Variants in MYOM2 observed in about 807,000 individuals in gnomAD.
The protein encoded by MYOM2 is myomesin 2.
In MYOM2, 254 loss-of-function variants were observed where a neutral mutation model predicts 187.6. The observed-to-expected ratio is 1.35, with a 90% CI of 1.22 to 1.50. The LOEUF (loss-of-function observed/expected upper bound fraction) is 1.50, where lower values mean the gene tolerates loss of function less well. Ranked by LOEUF, MYOM2 falls within the 40% of genes most tolerant of loss-of-function variation. The pLI is 0.00. For missense variants in MYOM2, 2,796 were observed against 1,924.0 expected (o/e 1.45, Z -8.48); for synonymous variants, 981 against 753.8 (o/e 1.30, Z -4.94).
At chr8:2,123,730 C>T in intron 30 of MYOM2, 88 bp downstream of exon 30, 1 of 1,117,376 alleles carries the variant, frequency 8.9e-7, no homozygotes, top group East Asian at 2.4e-5. Context: ...CTATGTCTAG[C>T]CTCAGCTATA....
intron 23 of MYOM2, 79 bp from the exon 24 acceptor site, chr8:2,108,707 C>T (rs754113194): frequency 1.5e-5 from 20 of 1,372,384 alleles, no homozygotes; most frequent in South Asian, 5.9e-5. Flanking sequence ...CAATCTTGCT[C>T]GTGTGTCGCC....
At chr8:2,120,176 CAG>C (rs1797377890) in intron 28 of MYOM2, among the ~76,000 whole-genome samples, 1 of 151,992 alleles carries the variant, frequency 6.6e-6, no homozygotes. Flanking sequence ...TAGTGTGAGT[CAG>C]GGGACAGACT....
rs548772825 is a variant in MYOM2, at chr8:2,116,711, A to G, written c.3385+436A>G. Among the ~76,000 whole-genome samples the G allele has an allele frequency of 3.3e-5, 5 of 152,336 alleles. No homozygotes were observed. In the South Asian group the frequency reaches 1.0e-3, roughly 32 times the overall value. ...ACATGTTAACTAGATACAAAGGAAA[A>G]TGGATACACTTTAGATTCTCAAACA... On this transcript the variant is annotated intron_variant, in intron 27 of 36. Coordinates refer to ENST00000262113, the MANE Select transcript of MYOM2 (RefSeq NM_003970.4).
chr8:2,077,666 A>T (rs1171780704), intron 11 of MYOM2, among the ~76,000 whole-genome samples: 1 of 152,136 alleles, frequency 6.6e-6, no homozygotes, highest in Admixed American at 6.5e-5. Flanking sequence ...ACAGCTGATA[A>T]GTTTTCCCGC....
intron 14 of MYOM2, among the ~76,000 whole-genome samples, chr8:2,088,731 G>A (rs551463712): frequency 3.3e-5 from 5 of 152,230 alleles, no homozygotes; most frequent in Non-Finnish European, 7.3e-5. Flanking sequence ...TAATACAAGT[G>A]CATGCATCTT....
chr8:2,117,067 A>G (rs1206990324), intron 27 of MYOM2, among the ~76,000 whole-genome samples: 2 of 152,260 alleles, frequency 1.3e-5, no homozygotes, highest in African/African-American at 4.8e-5. Context: ...CCAGCCTCAA[A>G]AAACATTTTT....
Position 2,130,227 on chromosome 8 carries a change from TATACCCA to T in MYOM2, c.3800+996_3800+1002del, listed in dbSNP as rs1160622372. 1.5e-5 allele frequency among the ~76,000 whole-genome samples: 2 copies of T among 136,778 alleles called. 1 individual carries two copies. The highest frequency in any genetic ancestry group is 6.1e-5 in the African/African-American group (2 of 32,592). 89.7% of individuals were successfully genotyped at this position (136,778 alleles called of 152,430 possible). On this transcript the variant is annotated intron_variant, in intron 32 of 36. Coordinates refer to ENST00000262113, the MANE Select transcript of MYOM2 (RefSeq NM_003970.4). The stretch of plus-strand genomic sequence containing the variant: ...CTTTAGTTAACGCCCGTCAGTACCG[TATACCCA>T]GGGCGCCCACACCCCGCCTTTAGTT...
chr8:2,106,485 T>C lies in MYOM2; in HGVS notation c.2892-6T>C, dbSNP rs1262531390. ...TCGACATTCACCTACTCTTCTTCCT[T>C]TTTAGCTCCAAGCTGTACTTAAAGA... is the stretch of plus-strand genomic sequence containing the variant. On this transcript the variant is annotated splice_region_variant and splice_polypyrimidine_tract_variant and intron_variant, in intron 22 of 36. Transcript: ENST00000262113. 1 of 1,611,014 alleles carries C rather than the reference T, an allele frequency of 6.2e-7. No homozygotes were observed. The highest frequency in any genetic ancestry group is 8.5e-7 in the Non-Finnish European group (1 of 1,177,474).
chr8:2,091,381 C>T (rs763172357), intron 15 of MYOM2, among the ~76,000 whole-genome samples: 1 of 152,040 alleles, frequency 6.6e-6, no homozygotes, highest in Non-Finnish European at 1.5e-5. Flanking sequence ...CTTGAAGGTC[C>T]CTCTTGGAAG....
chr8:2,064,157 G>C (rs13272717), intron 6 of MYOM2, among the ~76,000 whole-genome samples: 1 of 152,172 alleles, frequency 6.6e-6, no homozygotes, highest in Non-Finnish European at 1.5e-5. Flanking sequence ...CATCTGCTCC[G>C]TCGTCTGCCC....
chr8:2,050,718 C>T (rs372738192), intron 1 of MYOM2, 37 bp from the exon 2 acceptor site: 50 of 1,282,064 alleles, frequency 3.9e-5, no homozygotes, highest in African/African-American at 1.3e-4. Context: ...ATGATGCTTG[C>T]GAGGGAGCTC....
rs1298738169 is a variant in MYOM2 at position 2,092,550 on chromosome 8, A to C, written c.2003+30A>C. 1.9e-6 allele frequency: 3 copies of C among 1,609,244 alleles called. No individual in the cohort carries two copies. In the Admixed American group the frequency reaches 5.0e-5, roughly 27 times the overall value. On this transcript the variant is annotated intron_variant, in intron 16 of 36. Transcript: ENST00000262113. ...GGCCTCCCTCCCCAGCCCTGGAGTC[A>C]GCCTTGCAGGAGTAGCAAGACCGTT...
At chr8:2,117,770 T>C (rs1797296514) in intron 27 of MYOM2, 115 bp from the exon 28 acceptor site, 1 of 586,098 alleles carries the variant, frequency 1.7e-6, no homozygotes, top group Admixed American at 3.5e-5. Flanking sequence ...TACATTCTTA[T>C]GTATTATATA....
At position 2,098,894 on chromosome 8, in the gene MYOM2, A is replaced by C. The variant is rs1160999837; in HGVS notation, c.2351A>C (p.Lys784Thr). 2 of 1,613,274 alleles carry C rather than the reference A, an allele frequency of 1.2e-6. No individual in the cohort carries two copies. Among genetic ancestry groups the C allele is most frequent in the Admixed American group, 1.7e-5 (1 of 59,930 alleles). ...GLTEGSLYEF[K>T]IAAVNLAGIG... ...ACGGAAGGCTCACTCTACGAGTTCAAAATCGCCGCCGTCAACCTGGCCGGC... is the reference window on the plus strand; with the variant it reads ...ACGGAAGGCTCACTCTACGAGTTCACAATCGCCGCCGTCAACCTGGCCGGC... The change falls in exon 19 of 37, where the codon AAA (lysine) becomes ACA (threonine). Residue 784 changes from lysine to threonine, a missense_variant. Lys to Thr is a moderately conservative substitution (Grantham distance 78). Coordinates refer to ENST00000262113, the MANE Select transcript of MYOM2 (RefSeq NM_003970.4).
At position 2,056,603 on chromosome 8, in the gene MYOM2, C is replaced by A. The variant is rs142902758; in HGVS notation, c.264-745C>A. 1.1e-4 allele frequency among the ~76,000 whole-genome samples: 17 copies of A among 152,280 alleles called. No individual in the cohort carries two copies. In the East Asian group the frequency reaches 3.3e-3, roughly 29 times the overall value. On this transcript the variant is annotated intron_variant, in intron 3 of 36. Coordinates refer to ENST00000262113, the MANE Select transcript of MYOM2 (RefSeq NM_003970.4). The stretch of plus-strand genomic sequence containing the variant: ...ATTTTTAGTATTCAGACATTCCTAT[C>A]TGTATATTTTTAAACTCAAAATACT...
At chr8:2,101,118 G>A in intron 20 of MYOM2, 64 bp downstream of exon 20, 5 of 1,548,570 alleles carry the variant, frequency 3.2e-6, no homozygotes, top group East Asian at 2.3e-5. Context: ...GGTAAAGGCG[G>A]GCCAATCACT....
intron 6 of MYOM2, among the ~76,000 whole-genome samples, chr8:2,063,203 A>G (rs1042276200): frequency 6.6e-6 from 1 of 152,250 alleles, no homozygotes; most frequent in African/African-American, 2.4e-5. Context: ...AGCTTGTCTC[A>G]GCTGTTCATA....
chr8:2,138,678 A>G (rs578037361), intron 32 of MYOM2, among the ~76,000 whole-genome samples: 1 of 152,312 alleles, frequency 6.6e-6, no homozygotes, highest in African/African-American at 2.4e-5. Flanking sequence ...GGTGAGGCCA[A>G]CCTGATTATT....
chr8:2,101,203 C>G (rs1422342445), intron 20 of MYOM2, 149 bp downstream of exon 20: 2 of 740,298 alleles, frequency 2.7e-6, no homozygotes, highest in East Asian at 5.6e-5. Context: ...AAAAAATTAG[C>G]CGGGCATGGC....
Sources: allele counts gnomAD v4.1 joint callset (sites outside exome capture counted in the v4.1 genomes callset), GRCh38; gene constraint gnomAD v4.1.1; transcripts MANE v1.5; gene names NCBI Gene and HGNC (gene_info 2026-07-23, HGNC 2026-07-21).